PHACTR2: variants seen among roughly 807,000 people sequenced by gnomAD.
PHACTR2 encodes the protein phosphatase and actin regulator 2.
PHACTR2 carries 30 observed loss-of-function variants against 76.0 expected under a neutral mutation model. That is an observed-to-expected ratio of 0.39 (90% CI 0.30 to 0.54). The LOEUF is 0.54. PHACTR2 is among the 20% of genes least tolerant of loss of function. The pLI is 0.61. For synonymous variants in PHACTR2, 292 were observed against 292.5 expected (o/e 1.00, Z 0.02); for missense variants, 696 against 781.1 (o/e 0.89, Z 1.30).
intron 1 of PHACTR2, among the ~76,000 whole-genome samples, chr6:143,629,133 A>T (rs1352279950): frequency 1.3e-5 from 2 of 151,680 alleles, no homozygotes; most frequent in Non-Finnish European, 2.9e-5. Flanking sequence ...TTTCTTAAAG[A>T]TGTCCATAGA....
At chr6:143,603,615 A>C (rs1050879933), upstream of PHACTR2, among the ~76,000 whole-genome samples, 2 of 152,234 alleles carry the variant, frequency 1.3e-5, no homozygotes, top group African/African-American at 4.8e-5. Context: ...ACATTGGATA[A>C]ATGTATAATC....
At chr6:143,573,072 C>G (rs1775465763) in intron 1 of PHACTR2, among the ~76,000 whole-genome samples, 1 of 152,166 alleles carries the variant, frequency 6.6e-6, no homozygotes, top group South Asian at 2.1e-4. Context: ...AGACCCTTCA[C>G]TGGGTATATG....
At chr6:143,569,426 A>G (rs1281478167) in intron 1 of PHACTR2, among the ~76,000 whole-genome samples, 1 of 152,200 alleles carries the variant, frequency 6.6e-6, no homozygotes, top group Non-Finnish European at 1.5e-5. Context: ...TGTGATGTCA[A>G]GCCAATGATA....
At position 143,684,541 on chromosome 6, in the gene PHACTR2, A is replaced by G. The variant is rs902445239; in HGVS notation, c.46+6332A>G. Among the ~76,000 whole-genome samples, 2 of 152,230 alleles carry G rather than the reference A, an allele frequency of 1.3e-5. No individual in the cohort carries two copies. Among genetic ancestry groups the G allele is most frequent in the Non-Finnish European group, 2.9e-5 (2 of 68,048 alleles). ...TATTAGCAGTAGAGTTGCTAGGTCA[A>G]AAGATTTGTGTGTTTTATTTTGATA... is the stretch of plus-strand genomic sequence containing the variant. On this transcript the variant is annotated intron_variant, in intron 1 of 12. Coordinates refer to ENST00000440869, the MANE Select transcript of PHACTR2 (RefSeq NM_001100164.2). This position sits in a 1 kb window ranked among gnomAD's most constrained non-coding sequence, Gnocchi z 4.3.
chr6:143,653,988 A>G lies in PHACTR2; in HGVS notation c.13+45666A>G, dbSNP rs970445318. On this transcript the variant is annotated intron_variant, in intron 1 of 11. Coordinates refer to the PHACTR2 transcript ENST00000305766. The surrounding 1 kb of genome is among the most constrained non-coding windows in gnomAD (Gnocchi z 4.9). ...TGTATCTGAAAAGGGAAGTATCTATATAGAGAACAATTACAATGCAATAAT... is the reference window on the plus strand; with the variant it reads ...TGTATCTGAAAAGGGAAGTATCTATGTAGAGAACAATTACAATGCAATAAT... Among the ~76,000 whole-genome samples the G allele has an allele frequency of 7.9e-5, 12 of 152,246 alleles. No homozygotes were observed. Among genetic ancestry groups the G allele is most frequent in the African/African-American group, 2.9e-4 (12 of 41,470 alleles).
Position 143,830,207 on chromosome 6 carries a change from A to G in PHACTR2, c.*6518A>G, listed in dbSNP as rs192801935. On this transcript the variant is annotated 3_prime_UTR_variant, in exon 13 of 13. Coordinates refer to ENST00000440869, the MANE Select transcript of PHACTR2 (RefSeq NM_001100164.2). ...AAAACATTTCTTCTGTGGCTTAGAA[A>G]TGTGCCAGTGTGTTCAAAACATTTA... 1.7e-3 allele frequency: 254 copies of G among 152,192 alleles called. No homozygotes were observed. Among genetic ancestry groups the G allele is most frequent in the African/African-American group, 5.9e-3 (247 of 41,548 alleles). The allele number at this position is 152,192 out of a possible 1,614,324, so 9.4% of individuals were successfully genotyped here. A position where few individuals can be genotyped will look rare whatever the true frequency, so the allele number is the denominator to read the frequency against.
intron 2 of PHACTR2, among the ~76,000 whole-genome samples, chr6:143,728,233 T>G (rs1458354738): frequency 6.8e-5 from 10 of 147,078 alleles, no homozygotes; most frequent in South Asian, 2.2e-4. Flanking sequence ...TTTTTTTTTT[T>G]TTGAGACAGG....
intron 1 of PHACTR2, among the ~76,000 whole-genome samples, chr6:143,670,836 C>A (rs1777141024): frequency 1.3e-5 from 2 of 152,152 alleles, no homozygotes; most frequent in South Asian, 4.1e-4. Context: ...TTGAAGCCTA[C>A]TTCTATCAAT....
rs772790633 is a variant in PHACTR2 at position 143,793,645 on chromosome 6, G to A, written c.1845+4735G>A. On this transcript the variant is annotated intron_variant, in intron 11 of 12. Coordinates refer to ENST00000440869, the MANE Select transcript of PHACTR2 (RefSeq NM_001100164.2). The surrounding 1 kb of genome is among the most constrained non-coding windows in gnomAD (Gnocchi z 4.4). ...ATATTGGCCAGGCATGGTGGCTCAT[G>A]CCTGTAATCCTAGCACTTTGGGAGG... Among the ~76,000 whole-genome samples the A allele has an allele frequency of 3.3e-5, 5 of 152,122 alleles. No homozygotes were observed. In the South Asian group the frequency reaches 8.3e-4, roughly 25 times the overall value.
rs1449121955 is a variant in PHACTR2, at chr6:143,578,445, G to C, written c.217+41238G>C. On this transcript the variant is annotated intron_variant, in intron 1 of 11. Coordinates refer to the PHACTR2 transcript ENST00000367584. The surrounding 1 kb of genome is among the most constrained non-coding windows in gnomAD (Gnocchi z 4.5). ...AAGGTTGAGCATGGTAGCCATGGAA[G>C]GATGTGTAGGTTGTTCACTGCTCAA... 6.6e-6 allele frequency among the ~76,000 whole-genome samples: 1 copy of C among 152,212 alleles called. No homozygotes were observed. The highest frequency in any genetic ancestry group is 1.9e-4 in the East Asian group (1 of 5,196).
chr6:143,727,742 A>G (rs370922198), intron 2 of PHACTR2, among the ~76,000 whole-genome samples: 4 of 121,904 alleles, frequency 3.3e-5, no homozygotes, highest in African/African-American at 1.6e-4. Context: ...TGCCATTTGT[A>G]TGTGTTTTTG....
intron 1 of PHACTR2, among the ~76,000 whole-genome samples, chr6:143,686,728 A>C (rs921890910): frequency 3.3e-5 from 5 of 151,880 alleles, no homozygotes; most frequent in Non-Finnish European, 1.5e-5. Context: ...CTCGTGATCC[A>C]CCTGCCTCGG....
chr6:143,644,826 T>A (rs1016510953), intron 1 of PHACTR2, among the ~76,000 whole-genome samples: 7 of 152,124 alleles, frequency 4.6e-5, no homozygotes, highest in Non-Finnish European at 1.0e-4. Context: ...TTTTTGATAT[T>A]TTTAATTTTA....
At chr6:143,812,643 C>T (rs1776203626) in intron 12 of PHACTR2, among the ~76,000 whole-genome samples, 1 of 152,170 alleles carries the variant, frequency 6.6e-6, no homozygotes, top group African/African-American at 2.4e-5. Flanking sequence ...CAAATGGTCC[C>T]CACAAGAAGT....
Position 143,739,452 on chromosome 6 carries a change from G to A in PHACTR2, c.215-9533G>A, listed in dbSNP as rs539839152. On this transcript the variant is annotated intron_variant, in intron 2 of 12. Transcript: ENST00000440869. This position sits in a 1 kb window ranked among gnomAD's most constrained non-coding sequence, Gnocchi z 4.3. ...TCTCTAGGGATGATTATCATTATTC[G>A]TATTTCAAACATTGGTCCCCTCTGT... Among the ~76,000 whole-genome samples, 1 of 152,114 alleles carries A rather than the reference G, an allele frequency of 6.6e-6. No homozygotes were observed. The highest frequency in any genetic ancestry group is 2.4e-5 in the African/African-American group (1 of 41,416).
rs1031029797 is a variant in PHACTR2 at position 143,623,235 on chromosome 6, G to T, written c.13+14913G>T. On this transcript the variant is annotated intron_variant, in intron 1 of 11. Transcript: ENST00000305766. The surrounding 1 kb of genome is among the most constrained non-coding windows in gnomAD (Gnocchi z 5.9). ...AGCCAAATTACCTTCCCTAGAAAAA[G>T]AAATTATTTTCAAACTCCTAAAATG... 6.6e-6 allele frequency among the ~76,000 whole-genome samples: 1 copy of T among 152,072 alleles called. No homozygotes were observed. Among genetic ancestry groups the T allele is most frequent in the Non-Finnish European group, 1.5e-5 (1 of 68,002 alleles).
chr6:143,753,984 C>A lies in PHACTR2; in HGVS notation c.454+72C>A. The A allele has an allele frequency of 1.0e-6, 1 of 983,078 alleles. No homozygotes were observed. The highest frequency in any genetic ancestry group is 1.4e-6 in the Non-Finnish European group (1 of 697,062). The allele number at this position is 983,078 out of a possible 1,614,324, so 60.9% of individuals were successfully genotyped here. A position where few individuals can be genotyped will look rare whatever the true frequency, so the allele number is the denominator to read the frequency against. On this transcript the variant is annotated intron_variant, in intron 4 of 12. Coordinates refer to ENST00000440869, the MANE Select transcript of PHACTR2 (RefSeq NM_001100164.2). The surrounding 1 kb of genome is among the most constrained non-coding windows in gnomAD (Gnocchi z 4.6). ...ATGTCTAGAACCAGCACTTAGGCTC[C>A]AACTAGTGACTCTAAAACCAGCAGT...
At position 143,739,196 on chromosome 6, in the gene PHACTR2, C is replaced by T. The variant is rs1778886640; in HGVS notation, c.215-9789C>T. 6.6e-6 allele frequency among the ~76,000 whole-genome samples: 1 copy of T among 152,202 alleles called. No individual in the cohort carries two copies. Among genetic ancestry groups the T allele is most frequent in the African/African-American group, 2.4e-5 (1 of 41,438 alleles). ...TCTCCTGCCTCAGCCTCCCAAGTAG[C>T]TGGGACTATAGGCGTGCACCACCAC... On this transcript the variant is annotated intron_variant, in intron 2 of 12. Coordinates refer to ENST00000440869, the MANE Select transcript of PHACTR2 (RefSeq NM_001100164.2). The surrounding 1 kb of genome is among the most constrained non-coding windows in gnomAD (Gnocchi z 4.3).
chr6:143,652,030 C>T lies in PHACTR2; in HGVS notation c.13+43708C>T, dbSNP rs902319816. The stretch of plus-strand genomic sequence containing the variant: ...TGATGCCTTCATCTTGGATTTCTAG[C>T]CTCCAGCCTGAGAAATTAAAGTTCT... On this transcript the variant is annotated intron_variant, in intron 1 of 11. Transcript: ENST00000305766. The surrounding 1 kb of genome is among the most constrained non-coding windows in gnomAD (Gnocchi z 4.5). Among the ~76,000 whole-genome samples the T allele has an allele frequency of 1.3e-5, 2 of 150,182 alleles. No individual in the cohort carries two copies. Among genetic ancestry groups the T allele is most frequent in the African/African-American group, 2.5e-5 (1 of 40,610 alleles).
Sources: allele counts gnomAD v4.1 joint callset (sites outside exome capture counted in the v4.1 genomes callset), GRCh38; gene constraint gnomAD v4.1.1; non-coding constraint Gnocchi (gnomAD v3.1); transcripts MANE v1.5; gene names NCBI Gene and HGNC (gene_info 2026-07-23, HGNC 2026-07-21).